Variants in PTPRD observed in about 807,000 individuals in gnomAD.
PTPRD encodes the protein receptor-type tyrosine-protein phosphatase delta.
In PTPRD, 34 loss-of-function variants were observed where a neutral mutation model predicts 214.5. That is an observed-to-expected ratio of 0.16 (90% confidence interval 0.12 to 0.21). The LOEUF is 0.21. PTPRD is among the 10% of genes least tolerant of loss of function. The pLI, the probability that PTPRD is intolerant of heterozygous loss-of-function variation, is 1.00. For synonymous variants in PTPRD, 1,128 were observed against 845.7 expected, an observed-to-expected ratio of 1.33 and a Z score of -5.79; for missense variants, 2,545 against 2,398.7, an observed-to-expected ratio of 1.06 and a Z score of -1.27.
At chr9:9,343,958 T>C (rs975543071) in intron 9 of PTPRD, among the ~76,000 whole-genome samples, 1 of 152,134 alleles carries the variant, frequency 6.6e-6, no homozygotes, top group African/African-American at 2.4e-5. Context: ...GAAATTAAAC[T>C]TTTCACTTAT....
At chr9:9,613,759 A>T (rs1044117753) in intron 7 of PTPRD, among the ~76,000 whole-genome samples, 8 of 152,164 alleles carry the variant, frequency 5.3e-5, no homozygotes, top group African/African-American at 1.9e-4. Flanking sequence ...CCCCTAGTCT[A>T]CTAGGAGCCT....
intron 9 of PTPRD, among the ~76,000 whole-genome samples, chr9:9,272,445 G>A (rs1943319924): frequency 6.6e-6 from 1 of 151,012 alleles, no homozygotes; most frequent in Non-Finnish European, 1.5e-5. Flanking sequence ...TAATATTAGC[G>A]GGAATTTACA....
At chr9:8,676,403 G>C (rs999078500) in intron 12 of PTPRD, among the ~76,000 whole-genome samples, 14 of 104,968 alleles carry the variant, frequency 1.3e-4, no homozygotes, top group Non-Finnish European at 2.5e-4. Flanking sequence ...TTTTTTTTTA[G>C]ATGGAGTTTT....
chr9:9,944,030 G>T lies in PTPRD; in HGVS notation c.-471-5420C>A, dbSNP rs115585237. Among the ~76,000 whole-genome samples the T allele has an allele frequency of 2.6e-3, 403 of 152,210 alleles. 2 individuals are homozygous for T. The highest frequency in any genetic ancestry group is 8.8e-3 in the African/African-American group (364 of 41,550). On this transcript the variant is annotated intron_variant, in intron 4 of 45. Transcript: ENST00000381196. ...GTATCTAAAAGTTGGAAAACTCAAG[G>T]CTTTAGTCTTCTTTTCTTTTAAATG...
chr9:9,413,375 A>G (rs965024245), intron 8 of PTPRD, among the ~76,000 whole-genome samples: 3 of 151,518 alleles, frequency 2.0e-5, no homozygotes, highest in South Asian at 2.1e-4. Flanking sequence ...CGGCCTCCCA[A>G]AGTGCTGGGA....
intron 11 of PTPRD, among the ~76,000 whole-genome samples, chr9:8,763,342 T>C (rs184632272): frequency 1.3e-5 from 2 of 151,726 alleles, no homozygotes; most frequent in East Asian, 3.9e-4. Flanking sequence ...CGAAACCCCA[T>C]CTCTAATAAA....
intron 10 of PTPRD, among the ~76,000 whole-genome samples, chr9:9,165,484 G>A (rs935654979): frequency 6.6e-6 from 1 of 152,152 alleles, no homozygotes; most frequent in Non-Finnish European, 1.5e-5. Context: ...TTACAGAACT[G>A]CAAGAAGTCA....
chr9:9,493,416 C>T (rs1032382443), intron 8 of PTPRD, among the ~76,000 whole-genome samples: 2 of 152,288 alleles, frequency 1.3e-5, no homozygotes, highest in Admixed American at 6.5e-5. Flanking sequence ...ATGTTGTTTT[C>T]ATGGCTGGTA....
intron 11 of PTPRD, among the ~76,000 whole-genome samples, chr9:8,752,720 G>T (rs1415654962): frequency 1.3e-5 from 2 of 152,030 alleles, no homozygotes; most frequent in African/African-American, 4.8e-5. Flanking sequence ...CTGACCCACT[G>T]TAGACCAATC....
At chr9:9,493,787 C>CAAAAAAAAAAAAAA (rs750252052) in intron 8 of PTPRD, among the ~76,000 whole-genome samples, 8 of 54,442 alleles carry the variant, frequency 1.5e-4, no homozygotes, top group East Asian at 6.0e-4. Context: ...GACTCCGTCT[C>CAAAAAAAAAAAAAA]AAAAAAAAAA....
intron 14 of PTPRD, among the ~76,000 whole-genome samples, chr9:8,556,770 C>G (rs1170244896): frequency 6.6e-6 from 1 of 151,872 alleles, no homozygotes; most frequent in Non-Finnish European, 1.5e-5. Context: ...AGAATCCAAG[C>G]AGAAAATATT....
At chr9:10,131,687 C>A (rs899055666) in intron 3 of PTPRD, among the ~76,000 whole-genome samples, 2 of 151,954 alleles carry the variant, frequency 1.3e-5, no homozygotes, top group Non-Finnish European at 1.5e-5. Context: ...ATAATTGGAT[C>A]TAATATTTAA....
At chr9:10,297,123 A>AT (rs2095700708) in intron 3 of PTPRD, among the ~76,000 whole-genome samples, 1 of 146,554 alleles carries the variant, frequency 6.8e-6, no homozygotes, top group African/African-American at 2.5e-5. Flanking sequence ...ATATATATAA[A>AT]ATATATATAT....
chr9:9,718,234 A>G (rs1477310077), intron 7 of PTPRD, among the ~76,000 whole-genome samples: 1 of 152,238 alleles, frequency 6.6e-6, no homozygotes, highest in Non-Finnish European at 1.5e-5. Context: ...TGAAAACATG[A>G]GTATGAAAAT....
intron 12 of PTPRD, among the ~76,000 whole-genome samples, chr9:8,661,156 T>C (rs1283629251): frequency 6.6e-6 from 1 of 152,062 alleles, no homozygotes. Context: ...CCTTACAAGC[T>C]GAAGAGACAA....
chr9:8,937,857 C>G (rs2099007937), intron 11 of PTPRD, among the ~76,000 whole-genome samples: 1 of 152,046 alleles, frequency 6.6e-6, no homozygotes, highest in Admixed American at 6.6e-5. Context: ...AACTGATTCC[C>G]TGATTCAAAG....
intron 44 of PTPRD, among the ~76,000 whole-genome samples, chr9:8,321,263 T>C (rs1827158371): frequency 6.6e-6 from 1 of 151,754 alleles, no homozygotes; most frequent in Non-Finnish European, 1.5e-5. Context: ...CCAGAGTCTA[T>C]CTTACCTTGA....
At chr9:8,542,510 T>A (rs2078733130) in intron 14 of PTPRD, among the ~76,000 whole-genome samples, 1 of 152,242 alleles carries the variant, frequency 6.6e-6, no homozygotes, top group South Asian at 2.1e-4. Flanking sequence ...CAGGGATGGC[T>A]TTCTGAAATG....
intron 3 of PTPRD, among the ~76,000 whole-genome samples, chr9:10,310,030 C>T (rs1043398797): frequency 6.6e-6 from 1 of 152,052 alleles, no homozygotes; most frequent in African/African-American, 2.4e-5. Context: ...CCTGAGGTAT[C>T]ATACAATCAA....
Sources: allele counts gnomAD v4.1 joint callset (sites outside exome capture counted in the v4.1 genomes callset), GRCh38; gene constraint gnomAD v4.1.1; transcripts MANE v1.5; gene names NCBI Gene and HGNC (gene_info 2026-07-23, HGNC 2026-07-21).